Variants in PTN observed in about 807,000 individuals in gnomAD.
The protein encoded by PTN is pleiotrophin.
PTN carries 18 observed loss-of-function variants against 24.1 expected under a neutral mutation model. That is an observed-to-expected ratio of 0.75 (90% CI 0.52 to 1.11). PTN has a LOEUF of 1.11. PTN is among the 50% of genes least tolerant of loss of function. PTN has a pLI of 0.00. For missense variants in PTN, 163 were observed against 198.8 expected, an observed-to-expected ratio of 0.82 and a Z score of 1.08; for synonymous variants, 78 against 68.6, an observed-to-expected ratio of 1.14 and a Z score of -0.67.
chr7:137,319,109 C>A (rs960706893), intron 1 of PTN, among the ~76,000 whole-genome samples: 4 of 152,186 alleles, frequency 2.6e-5, no homozygotes, highest in African/African-American at 9.6e-5. Flanking sequence ...GACACCACAT[C>A]GTCGCTGACT....
intron 1 of PTN, among the ~76,000 whole-genome samples, chr7:137,317,255 T>G (rs1274493587): frequency 6.6e-6 from 1 of 152,186 alleles, no homozygotes; most frequent in Non-Finnish European, 1.5e-5. Flanking sequence ...ATGGAGAGCT[T>G]TCTTCATTCC....
chr7:137,303,094 T>C (rs1208394505), intron 1 of PTN, among the ~76,000 whole-genome samples: 2 of 152,054 alleles, frequency 1.3e-5, no homozygotes, highest in Non-Finnish European at 2.9e-5. Context: ...TCATTGTTGC[T>C]GTCGTAATGG....
intron 1 of PTN, among the ~76,000 whole-genome samples, chr7:137,274,490 C>A (rs2128874890): frequency 6.6e-6 from 1 of 152,168 alleles, no homozygotes; most frequent in South Asian, 2.1e-4. Flanking sequence ...TTAGGTATTT[C>A]TCCTAATGTT....
At position 137,254,876 on chromosome 7, in the gene PTN, C is replaced by A; in HGVS notation, c.98G>T (p.Gly33Val). Reference sequence around the variant, plus strand: ...CTGCTTACCTGGTTTCTCTTTCTTCCCTGCTTCAGCAGTATCCACAGCTGC... The same window carrying A: ...CTGCTTACCTGGTTTCTCTTTCTTCACTGCTTCAGCAGTATCCACAGCTGC... ...ILAAVDTAEAGKKEKPEKKVK... is the reference protein window; with the variant it reads ...ILAAVDTAEAVKKEKPEKKVK... The change falls in exon 2 of 5, where the codon GGG becomes GTG. Residue 33 changes from glycine to valine, a missense_variant. Transcript: ENST00000348225. 6.4e-7 allele frequency: 1 copy of A among 1,559,552 alleles called. No individual in the cohort carries two copies. Among genetic ancestry groups the A allele is most frequent in the South Asian group, 1.2e-5 (1 of 84,888 alleles).
At position 137,254,907 on chromosome 7, in the gene PTN, T is replaced by A. The variant is rs777658614; in HGVS notation, c.67A>T (p.Ile23Leu). Reference sequence around the variant, plus strand: ...TCAGCAGTATCCACAGCTGCCAGTATGAAAATGAATGCCAAGAAGGCAGCT... The same window carrying A: ...TCAGCAGTATCCACAGCTGCCAGTAAGAAAATGAATGCCAAGAAGGCAGCT... ...FAAAFLAFIF[I>L]LAAVDTAEAG... Residue 23 changes from isoleucine to leucine, a missense_variant, in exon 2 of 5, where the codon ATA (isoleucine) becomes TTA (leucine). By Grantham distance (5) the Ile-to-Leu change is conservative. Coordinates refer to ENST00000348225, the MANE Select transcript of PTN (RefSeq NM_002825.7). The A allele has an allele frequency of 7.6e-6, 12 of 1,585,574 alleles. No individual in the cohort carries two copies. Among genetic ancestry groups the A allele is most frequent in the South Asian group, 1.1e-5 (1 of 88,096 alleles).
intron 1 of PTN, among the ~76,000 whole-genome samples, chr7:137,277,611 C>T (rs1311381152): frequency 2.0e-5 from 3 of 152,096 alleles, no homozygotes; most frequent in African/African-American, 7.2e-5. Context: ...ACTCTGCCAC[C>T]CAGGATGGAG....
At chr7:137,237,493 T>C (rs369091809) in intron 4 of PTN, among the ~76,000 whole-genome samples, 8 of 152,208 alleles carry the variant, frequency 5.3e-5, no homozygotes, top group South Asian at 2.1e-4. Context: ...TCACTAGCTG[T>C]AGAGGTGAAA....
chr7:137,318,387 G>A (rs113087180), intron 1 of PTN, among the ~76,000 whole-genome samples: 2,108 of 152,258 alleles, frequency 0.014, 61 homozygotes, highest in African/African-American at 0.049. Context: ...TAACTCCAGC[G>A]ATTCCAGAGA....
chr7:137,248,483 C>A (rs1015159207), intron 4 of PTN, among the ~76,000 whole-genome samples: 3 of 152,120 alleles, frequency 2.0e-5, no homozygotes, highest in African/African-American at 7.2e-5. Flanking sequence ...GTCTGGAGTT[C>A]AAGACCAGCC....
At chr7:137,287,894 T>C (rs1809582287) in intron 1 of PTN, 1 of 152,188 alleles carries the variant, frequency 6.6e-6, no homozygotes, top group Non-Finnish European at 1.5e-5. Flanking sequence ...TTCCAGATTA[T>C]AAAAGATATA....
At position 137,234,845 on chromosome 7, in the gene PTN, G is replaced by A. The variant is rs950997568; in HGVS notation, c.452-6770C>T. Reference sequence around the variant, plus strand: ...AGATGAAATGATTTCAGATTGAGGGGAGCCCAGATTTTAACTAAAGTGACT... The same window carrying A: ...AGATGAAATGATTTCAGATTGAGGGAAGCCCAGATTTTAACTAAAGTGACT... On this transcript the variant is annotated intron_variant, in intron 4 of 4. Coordinates refer to ENST00000348225, the MANE Select transcript of PTN (RefSeq NM_002825.7). Among the ~76,000 whole-genome samples the A allele has an allele frequency of 3.3e-5, 5 of 152,166 alleles. No individual in the cohort carries two copies. The East Asian group carries it at 9.7e-4, about 29-fold the overall frequency.
chr7:137,311,704 C>T (rs1194456182), intron 1 of PTN, among the ~76,000 whole-genome samples: 1 of 152,164 alleles, frequency 6.6e-6, no homozygotes, highest in Non-Finnish European at 1.5e-5. Flanking sequence ...ATAGTCAGAA[C>T]ACACACAACA....
chr7:137,237,199 T>C (rs150732646), intron 4 of PTN, among the ~76,000 whole-genome samples: 209 of 152,170 alleles, frequency 1.4e-3, no homozygotes, highest in African/African-American at 4.8e-3. Flanking sequence ...CCTAATCCAA[T>C]ATGACTGGTG....
chr7:137,332,835 T>G (rs2128882918), intron 1 of PTN, among the ~76,000 whole-genome samples: 1 of 152,264 alleles, frequency 6.6e-6, no homozygotes, highest in African/African-American at 2.4e-5. Context: ...TGTTAAAACC[T>G]CAGAGATAAT....
At chr7:137,289,060 G>A (rs1016615155) in intron 1 of PTN, among the ~76,000 whole-genome samples, 11 of 152,122 alleles carry the variant, frequency 7.2e-5, no homozygotes, top group South Asian at 4.1e-4. Flanking sequence ...ATCACCTTGC[G>A]AAGTAGGTAG....
intron 1 of PTN, among the ~76,000 whole-genome samples, chr7:137,285,015 T>C: frequency 6.6e-6 from 1 of 152,200 alleles, no homozygotes; most frequent in East Asian, 1.9e-4. Flanking sequence ...TCACATTGGT[T>C]CATAGGATAC....
chr7:137,254,989 A>T lies in PTN; in HGVS notation c.-1-15T>A. 1.3e-6 allele frequency: 2 copies of T among 1,498,950 alleles called. No homozygotes were observed. Among genetic ancestry groups the T allele is most frequent in the Non-Finnish European group, 1.8e-6 (2 of 1,099,694 alleles). The allele number at this position is 1,498,950 out of a possible 1,614,324, so 92.9% of individuals were successfully genotyped here. A position where few individuals can be genotyped will look rare whatever the true frequency, so the allele number is the denominator to read the frequency against. On this transcript the variant is annotated splice_polypyrimidine_tract_variant and intron_variant, in intron 1 of 4. Coordinates refer to ENST00000348225, the MANE Select transcript of PTN (RefSeq NM_002825.7). ...GAGCCTGCATTCTAGGAATAAACAG[A>T]GAAAGAGAAGAAGGTGGCATTAACC...
chr7:137,294,424 C>T (rs987968357), intron 1 of PTN, among the ~76,000 whole-genome samples: 2 of 152,172 alleles, frequency 1.3e-5, no homozygotes, highest in East Asian at 1.9e-4. Flanking sequence ...GTGCAGAGCA[C>T]AATTTGCATC....
At chr7:137,264,183 C>G (rs1218718372) in intron 1 of PTN, among the ~76,000 whole-genome samples, 2 of 152,124 alleles carry the variant, frequency 1.3e-5, no homozygotes, top group African/African-American at 2.4e-5. Context: ...TACAGTTCCT[C>G]CACAAACATA....
Sources: allele counts gnomAD v4.1 joint callset (sites outside exome capture counted in the v4.1 genomes callset), GRCh38; gene constraint gnomAD v4.1.1; transcripts MANE v1.5; gene names NCBI Gene and HGNC (gene_info 2026-07-23, HGNC 2026-07-21).